The following M1AP variants were observed in gnomAD, a reference collection of about 807,000 sequenced individuals.
M1AP encodes the protein meiosis 1 associated protein.
Under a neutral mutation model 51.2 loss-of-function variants are expected in M1AP, and 39 were observed. The observed-to-expected ratio is 0.76, with a 90% CI of 0.59 to 1.00. The LOEUF is 1.00. M1AP is among the 50% of genes least tolerant of loss of function. The pLI is 0.00. For synonymous variants in M1AP, 251 were observed against 249.2 expected, an observed-to-expected ratio of 1.01 and a Z score of -0.07; for missense variants, 545 against 641.2, an observed-to-expected ratio of 0.85 and a Z score of 1.62.
At chr2:74,618,405 A>C (rs1681796773) in intron 2 of M1AP, among the ~76,000 whole-genome samples, 1 of 152,216 alleles carries the variant, frequency 6.6e-6, no homozygotes, top group Admixed American at 6.5e-5. Flanking sequence ...CTCTGTGTGA[A>C]GAAAAAGAAA....
In M1AP at chr2:74,619,376, A is replaced by G. The variant is rs1197064135; in HGVS notation, c.241-4227T>C. 3.6e-5 allele frequency: 7 copies of G among 195,170 alleles called. No individual in the cohort carries two copies. In the East Asian group the frequency reaches 8.4e-4, roughly 23 times the overall value. 12.1% of individuals were successfully genotyped at this position (195,170 alleles called of 1,614,324 possible). The stretch of plus-strand genomic sequence containing the variant: ...CACATTACCATGAATCCACTTCTGT[A>G]ACTGGTCCTAGACCAACCATAAAAG... On this transcript the variant is annotated intron_variant, in intron 2 of 10. Coordinates refer to ENST00000421985, the MANE Select transcript of M1AP (RefSeq NM_001321739.2).
intron 2 of M1AP, among the ~76,000 whole-genome samples, chr2:74,616,661 T>G (rs962762416): frequency 6.6e-5 from 10 of 152,224 alleles, no homozygotes; most frequent in African/African-American, 2.4e-4. Flanking sequence ...CCTATGAGCA[T>G]AGGCTCTAAG....
intron 4 of M1AP, among the ~76,000 whole-genome samples, chr2:74,594,796 G>C (rs1428745647): frequency 6.6e-6 from 1 of 152,164 alleles, no homozygotes; most frequent in Non-Finnish European, 1.5e-5. Context: ...AGGATCATCT[G>C]AGCCCAGGAG....
chr2:74,637,579 T>C (rs1391203480), intron 2 of M1AP, among the ~76,000 whole-genome samples: 1 of 152,248 alleles, frequency 6.6e-6, no homozygotes, highest in Non-Finnish European at 1.5e-5. Context: ...ATAGTTAAGT[T>C]ACCTGGAAAC....
chr2:74,642,342 T>A (rs1683345216), intron 1 of M1AP, among the ~76,000 whole-genome samples: 1 of 151,634 alleles, frequency 6.6e-6, no homozygotes, highest in Non-Finnish European at 1.5e-5. Flanking sequence ...CATTAGAATA[T>A]CAATCACGTA....
intron 7 of M1AP, 66 bp from the exon 8 acceptor site, chr2:74,562,489 C>G: frequency 2.5e-6 from 4 of 1,569,066 alleles, no homozygotes; most frequent in Non-Finnish European, 3.5e-6. Flanking sequence ...AGGATCAGTC[C>G]CAATTGAAGT....
chr2:74,609,580 T>C (rs1486588585), intron 3 of M1AP, among the ~76,000 whole-genome samples: 1 of 152,196 alleles, frequency 6.6e-6, no homozygotes, highest in African/African-American at 2.4e-5. Context: ...TACCCAGTAG[T>C]GGGATTGTTG....
chr2:74,588,924 T>C (rs1451258486), intron 4 of M1AP, among the ~76,000 whole-genome samples: 1 of 152,250 alleles, frequency 6.6e-6, no homozygotes, highest in Non-Finnish European at 1.5e-5. Flanking sequence ...CACTTATTGG[T>C]GTCATCAAGA....
At chr2:74,632,959 G>C (rs189467143) in intron 2 of M1AP, among the ~76,000 whole-genome samples, 1 of 152,142 alleles carries the variant, frequency 6.6e-6, no homozygotes, top group Admixed American at 6.5e-5. Flanking sequence ...TTGGGACATG[G>C]GCTCATTTCC....
At chr2:74,618,051 C>A (rs1426247519) in intron 2 of M1AP, among the ~76,000 whole-genome samples, 1 of 152,150 alleles carries the variant, frequency 6.6e-6, no homozygotes, top group Non-Finnish European at 1.5e-5. Context: ...AAATTTGAAG[C>A]TACAGTCTTA....
At chr2:74,642,399 C>T (rs1016326248) in intron 1 of M1AP, among the ~76,000 whole-genome samples, 1 of 151,968 alleles carries the variant, frequency 6.6e-6, no homozygotes, top group Admixed American at 6.5e-5. Flanking sequence ...ATGATCATCC[C>T]AATAGACGCA....
At chr2:74,584,398 C>G (rs969419219) in intron 4 of M1AP, among the ~76,000 whole-genome samples, 7 of 129,066 alleles carry the variant, frequency 5.4e-5, no homozygotes, top group African/African-American at 2.1e-4. Flanking sequence ...AGCTTGAGCC[C>G]AAAAGTTCAA....
intron 2 of M1AP, among the ~76,000 whole-genome samples, chr2:74,635,766 T>C (rs1420678726): frequency 6.6e-6 from 1 of 152,142 alleles, no homozygotes; most frequent in Admixed American, 6.5e-5. Context: ...TTGTTTAGTT[T>C]TCAAGTGTTT....
chr2:74,608,526 C>T (rs6546915), intron 3 of M1AP, among the ~76,000 whole-genome samples: 12,344 of 152,182 alleles, frequency 0.081, 1,403 homozygotes, highest in African/African-American at 0.26. Context: ...TTGGCAATTA[C>T]GAATAAAGCT....
chr2:74,634,665 C>T (rs577659781), intron 2 of M1AP, among the ~76,000 whole-genome samples: 2 of 152,144 alleles, frequency 1.3e-5, no homozygotes, highest in East Asian at 3.8e-4. Flanking sequence ...CAGTCTTTCA[C>T]CATTAAATAT....
At chr2:74,623,522 A>G (rs546482552) in intron 2 of M1AP, among the ~76,000 whole-genome samples, 67 of 149,018 alleles carry the variant, frequency 4.5e-4, no homozygotes, top group African/African-American at 1.5e-3. Flanking sequence ...AAAAAAAGAG[A>G]GAGAGAGAGT....
At chr2:74,632,599 C>T (rs148015328) in intron 2 of M1AP, among the ~76,000 whole-genome samples, 1 of 152,276 alleles carries the variant, frequency 6.6e-6, no homozygotes, top group Non-Finnish European at 1.5e-5. Flanking sequence ...AAACTATCCC[C>T]ATGTCTGCAC....
intron 1 of M1AP, chr2:74,647,290 T>G (rs990127206): frequency 1.0e-6 from 1 of 985,266 alleles, no homozygotes; most frequent in African/African-American, 1.7e-5. Flanking sequence ...ACAGATCGGC[T>G]TCTCGCTGTG....
At chr2:74,629,858 A>T (rs1374665007) in intron 2 of M1AP, among the ~76,000 whole-genome samples, 1 of 152,152 alleles carries the variant, frequency 6.6e-6, no homozygotes, top group Non-Finnish European at 1.5e-5. Flanking sequence ...GTCATTATGT[A>T]CATGCAAATA....
Sources: allele counts gnomAD v4.1 joint callset (sites outside exome capture counted in the v4.1 genomes callset), GRCh38; gene constraint gnomAD v4.1.1; transcripts MANE v1.5; gene names NCBI Gene and HGNC (gene_info 2026-07-23, HGNC 2026-07-21).